The following PDLIM3 variants were observed in gnomAD, a reference collection of about 807,000 sequenced individuals.
PDLIM3 encodes the protein PDZ and LIM domain 3, also known as PDZ and LIM domain protein 3.
Under a neutral mutation model 37.3 loss-of-function variants are expected in PDLIM3, and 36 were observed. The observed-to-expected ratio is 0.97, with a 90% CI of 0.74 to 1.28. PDLIM3 has a LOEUF of 1.28. PDLIM3 is among the 50% of genes most tolerant of loss of function. The probability of loss-of-function intolerance (pLI) is 0.00; values close to 1 mark genes in which losing one functional copy is unlikely to be tolerated. For synonymous variants in PDLIM3, 174 were observed against 182.4 expected (o/e 0.95, Z 0.37); for missense variants, 454 against 485.0 (o/e 0.94, Z 0.60).
intron 3 of PDLIM3, among the ~76,000 whole-genome samples, chr4:185,522,956 C>T (rs6552890): frequency 0.98 from 149,773 of 152,070 alleles, 73,770 homozygotes; most frequent in East Asian, 1. Flanking sequence ...CCTCGAAGGA[C>T]TGAAATTCAC....
chr4:185,504,496 T>C lies in PDLIM3; in HGVS notation c.884A>G (p.Asp295Gly). ...TTACACTATGCCACTCCCACATTTGTCACAGAGCGGCATCCTCTGTGCCCC... is the reference window on the plus strand; with the variant it reads ...TTACACTATGCCACTCCCACATTTGCCACAGAGCGGCATCCTCTGTGCCCC... ...SGGAQRMPLC[D>G]KCGSGIVGAV... Residue 295 changes from aspartate (D) to glycine (G), a missense_variant, in exon 7 of 8, where the codon GAC (aspartate) becomes GGC (glycine). Physicochemically the swap from Asp to Gly is moderately conservative, Grantham distance 94. Coordinates refer to ENST00000284767, the MANE Select transcript of PDLIM3 (RefSeq NM_014476.6). The surrounding 1 kb of genome is among the most constrained non-coding windows in gnomAD (Gnocchi z 4.7). 6.2e-7 allele frequency: 1 copy of C among 1,613,798 alleles called. No individual in the cohort carries two copies.
chr4:185,532,155 C>CT (rs986686038), intron 1 of PDLIM3, among the ~76,000 whole-genome samples: 10 of 152,132 alleles, frequency 6.6e-5, no homozygotes, highest in Admixed American at 2.0e-4. Flanking sequence ...TCTCACTTAT[C>CT]TTTTTGTGAA....
At chr4:185,524,845 C>T (rs561322961) in intron 2 of PDLIM3, among the ~76,000 whole-genome samples, 175 bp downstream of exon 2, 1 of 152,288 alleles carries the variant, frequency 6.6e-6, no homozygotes, top group African/African-American at 2.4e-5. Flanking sequence ...AATGATTTGT[C>T]AACAACTGCT....
intron 7 of PDLIM3, among the ~76,000 whole-genome samples, chr4:185,503,178 C>T (rs187715003): frequency 0.01 from 1,529 of 152,098 alleles, 30 homozygotes; most frequent in African/African-American, 0.035. Flanking sequence ...GAGCCGAGAT[C>T]GCGCCACTGC....
Position 185,514,528 on chromosome 4 carries a change from G to T in PDLIM3, c.331-191C>A. ...ATCCGCTAAACGGTCAGGCACTGGC[G>T]GATTGGACCCCACAACAATTAGAAC... On this transcript the variant is annotated intron_variant, in intron 3 of 7. Coordinates refer to ENST00000284767, the MANE Select transcript of PDLIM3 (RefSeq NM_014476.6). This position sits in a 1 kb window ranked among gnomAD's most constrained non-coding sequence, Gnocchi z 4.0. The T allele has an allele frequency of 7.7e-7, 1 of 1,296,132 alleles. No individual in the cohort carries two copies. The highest frequency in any genetic ancestry group is 1.1e-6 in the Non-Finnish European group (1 of 931,136). The allele number at this position is 1,296,132 out of a possible 1,614,324, so 80.3% of individuals were successfully genotyped here.
At chr4:185,535,229 C>A in intron 1 of PDLIM3, 113 bp downstream of exon 1, 1 of 939,312 alleles carries the variant, frequency 1.1e-6, no homozygotes, top group Non-Finnish European at 1.6e-6. Context: ...GCGCCCCGTC[C>A]GCCCGCCCTC....
intron 4 of PDLIM3, among the ~76,000 whole-genome samples, chr4:185,509,525 G>T (rs994136317): frequency 6.6e-6 from 1 of 151,910 alleles, no homozygotes; most frequent in Admixed American, 6.6e-5. Flanking sequence ...ACTGGATAGG[G>T]GTCAGTTAAC....
intron 7 of PDLIM3, 87 bp from the exon 8 acceptor site, chr4:185,502,570 GT>G: frequency 8.1e-7 from 1 of 1,240,880 alleles, no homozygotes. Flanking sequence ...GAAGGCAGAT[GT>G]TCTCTATTTC....
chr4:185,509,310 A>G (rs984814002), intron 4 of PDLIM3, among the ~76,000 whole-genome samples: 1 of 152,208 alleles, frequency 6.6e-6, no homozygotes, highest in Non-Finnish European at 1.5e-5. Flanking sequence ...GAAATTAATG[A>G]TTAGAGGAGA....
intron 4 of PDLIM3, among the ~76,000 whole-genome samples, chr4:185,509,065 C>T (rs1275525509): frequency 1.3e-5 from 2 of 152,198 alleles, no homozygotes; most frequent in Non-Finnish European, 2.9e-5. Context: ...TTGGGCTCAA[C>T]ATTTCAAAAT....
At chr4:185,503,292 T>G (rs1430663840) in intron 7 of PDLIM3, among the ~76,000 whole-genome samples, 1 of 152,154 alleles carries the variant, frequency 6.6e-6, no homozygotes, top group African/African-American at 2.4e-5. Flanking sequence ...AGAGATGGAA[T>G]TCCTTTGGGG....
rs774439514 is a variant in PDLIM3 at position 185,503,249 on chromosome 4, AAC to A, written c.906-768_906-767del. ...AAACAACAACAACAATAACAACAAA[AAC>A]AAAACAAAACAAAAAACCAGATCAA... On this transcript the variant is annotated intron_variant, in intron 7 of 7. Transcript: ENST00000284767. Among the ~76,000 whole-genome samples the A allele has an allele frequency of 3.2e-4, 48 of 151,440 alleles. 1 individual carries two copies. Among genetic ancestry groups the A allele is most frequent in the Middle Eastern group, 6.8e-3 (2 of 294 alleles).
At chr4:185,528,517 G>T (rs1455088186) in intron 1 of PDLIM3, among the ~76,000 whole-genome samples, 2 of 152,186 alleles carry the variant, frequency 1.3e-5, no homozygotes, top group Non-Finnish European at 2.9e-5. Context: ...TCACACGTTT[G>T]ACCATTACAA....
At chr4:185,505,431 G>A (rs1311211982) in intron 6 of PDLIM3, among the ~76,000 whole-genome samples, 1 of 152,132 alleles carries the variant, frequency 6.6e-6, no homozygotes, top group Non-Finnish European at 1.5e-5. Context: ...AGACCAGCCT[G>A]GCCAAGAGGT....
At chr4:185,508,136 GCTTT>G (rs894539303) in intron 5 of PDLIM3, among the ~76,000 whole-genome samples, 159 bp downstream of exon 5, 9 of 152,034 alleles carry the variant, frequency 5.9e-5, no homozygotes, top group African/African-American at 2.2e-4. Context: ...TTTTCACATA[GCTTT>G]CTTTCCAAGC....
intron 4 of PDLIM3, chr4:185,512,836 G>A: frequency 1.0e-6 from 1 of 984,590 alleles, no homozygotes; most frequent in South Asian, 4.7e-5. Context: ...TATTGGGGTT[G>A]GGTTGGGGTG....
At chr4:185,513,908 G>T in intron 4 of PDLIM3, 1 of 1,190,276 alleles carries the variant, frequency 8.4e-7, no homozygotes, top group Non-Finnish European at 1.1e-6. Flanking sequence ...ACCGGGGCTG[G>T]TTTCCATGCT....
chr4:185,531,926 T>TTAAAA (rs1554040345), intron 1 of PDLIM3, among the ~76,000 whole-genome samples: 1 of 105,916 alleles, frequency 9.4e-6, no homozygotes, highest in Non-Finnish European at 1.8e-5. Flanking sequence ...CTATCTCTAC[T>TTAAAA]AAAAAAAAAA....
At chr4:185,534,150 A>G (rs1414917132) in intron 1 of PDLIM3, among the ~76,000 whole-genome samples, 2 of 152,350 alleles carry the variant, frequency 1.3e-5, no homozygotes, top group African/African-American at 4.8e-5. Flanking sequence ...ACAAGGCTTG[A>G]AACGTTCCAT....
Sources: gnomAD v4.1 joint callset for allele counts (sites outside exome capture counted in the v4.1 genomes callset) on GRCh38, gnomAD v4.1.1 for gene constraint, Gnocchi (gnomAD v3.1) non-coding constraint, MANE v1.5 for transcripts, NCBI Gene and HGNC (gene_info 2026-07-23, HGNC 2026-07-21) for gene names.